LCLAT1: variants seen among roughly 807,000 people sequenced by gnomAD.
LCLAT1 encodes lysocardiolipin acyltransferase 1.
Under a neutral mutation model 30.7 loss-of-function variants are expected in LCLAT1, and 11 were observed. The observed-to-expected ratio is 0.36, with a 90% confidence interval of 0.23 to 0.59. The LOEUF (loss-of-function observed/expected upper bound fraction) is 0.59. Among genes scored for constraint, LCLAT1 ranks in the 20% least tolerant of loss-of-function variants. LCLAT1 has a pLI of 0.77. For synonymous variants in LCLAT1, 155 were observed against 151.3 expected, an observed-to-expected ratio of 1.02 and a Z score of -0.18; for missense variants, 402 against 458.6, an observed-to-expected ratio of 0.88 and a Z score of 1.13.
At chr2:30,554,318 T>A (rs1046363925) in intron 3 of LCLAT1, among the ~76,000 whole-genome samples, 24 of 152,222 alleles carry the variant, frequency 1.6e-4, no homozygotes, top group African/African-American at 5.8e-4. Flanking sequence ...AGGAAAATGT[T>A]AAACAGTATC....
chr2:30,554,513 A>G (rs1018616558), intron 3 of LCLAT1, among the ~76,000 whole-genome samples: 8 of 152,220 alleles, frequency 5.3e-5, no homozygotes, highest in African/African-American at 1.9e-4. Flanking sequence ...TGGTTTTACC[A>G]CTTACCATGT....
At chr2:30,605,355 C>T (rs530998575) in intron 5 of LCLAT1, among the ~76,000 whole-genome samples, 10 of 152,198 alleles carry the variant, frequency 6.6e-5, no homozygotes, top group African/African-American at 1.7e-4. Context: ...GTAGTCTTGA[C>T]GTCAGTAGTC....
intron 5 of LCLAT1, among the ~76,000 whole-genome samples, chr2:30,609,010 G>C (rs1351094366): frequency 2.6e-5 from 4 of 152,092 alleles, no homozygotes; most frequent in Admixed American, 2.6e-4. Context: ...CAGTCAAATA[G>C]GTATATTTTA....
chr2:30,625,719 T>A (rs1266241947), intron 5 of LCLAT1, among the ~76,000 whole-genome samples: 2 of 152,236 alleles, frequency 1.3e-5, no homozygotes, highest in African/African-American at 4.8e-5. Flanking sequence ...TTAAACAGTC[T>A]GCTATAGTTT....
chr2:30,536,522 C>G (rs1309489309), intron 3 of LCLAT1, among the ~76,000 whole-genome samples: 1 of 152,184 alleles, frequency 6.6e-6, no homozygotes, highest in Non-Finnish European at 1.5e-5. Flanking sequence ...GCCGAGGATA[C>G]TGTAACTGGC....
chr2:30,584,423 G>T (rs1443611326), intron 5 of LCLAT1, among the ~76,000 whole-genome samples: 3 of 152,126 alleles, frequency 2.0e-5, no homozygotes, highest in Admixed American at 1.3e-4. Context: ...AATAAGGAAG[G>T]CTTCTTGTTG....
At chr2:30,583,842 G>T (rs116529247) in intron 5 of LCLAT1, among the ~76,000 whole-genome samples, 5 of 151,988 alleles carry the variant, frequency 3.3e-5, no homozygotes, top group Non-Finnish European at 5.9e-5. Flanking sequence ...CTTTGGTTTG[G>T]TTTTTTTCAT....
chr2:30,568,397 G>C (rs1006400135), intron 5 of LCLAT1, among the ~76,000 whole-genome samples: 1 of 150,834 alleles, frequency 6.6e-6, no homozygotes, highest in African/African-American at 2.4e-5. Context: ...CCCCTTTTTT[G>C]GAACAGACAT....
chr2:30,547,475 A>G (rs776676364), intron 3 of LCLAT1, among the ~76,000 whole-genome samples: 2 of 152,154 alleles, frequency 1.3e-5, no homozygotes, highest in African/African-American at 2.4e-5. Flanking sequence ...AATACCAGAT[A>G]CTGGCTTTCT....
intron 5 of LCLAT1, among the ~76,000 whole-genome samples, chr2:30,631,725 C>T (rs1668779714): frequency 6.6e-6 from 1 of 152,200 alleles, no homozygotes; most frequent in South Asian, 2.1e-4. Flanking sequence ...AACATGTACT[C>T]AGCCTTGACT....
intron 5 of LCLAT1, among the ~76,000 whole-genome samples, chr2:30,603,755 G>A (rs1558549605): frequency 6.6e-6 from 1 of 152,166 alleles, no homozygotes; most frequent in Non-Finnish European, 1.5e-5. Context: ...TAAGATTATA[G>A]TCCTGATCAG....
At chr2:30,497,115 T>A (rs1684157148) in intron 1 of LCLAT1, among the ~76,000 whole-genome samples, 1 of 152,254 alleles carries the variant, frequency 6.6e-6, no homozygotes, top group Admixed American at 6.5e-5. Context: ...AACTGATACT[T>A]AGGGAAGATG....
chr2:30,555,774 A>G (rs952208064), intron 3 of LCLAT1, among the ~76,000 whole-genome samples: 1 of 152,100 alleles, frequency 6.6e-6, no homozygotes, highest in Non-Finnish European at 1.5e-5. Context: ...AAAAGAAGAA[A>G]ATGGGGTATA....
At chr2:30,552,485 A>G (rs1370557644) in intron 3 of LCLAT1, 1 of 434,040 alleles carries the variant, frequency 2.3e-6, no homozygotes, top group South Asian at 1.6e-5. Context: ...TCTATCTTGT[A>G]TTTTCAGCAC....
At chr2:30,478,371 A>G (rs1225275137) in intron 1 of LCLAT1, among the ~76,000 whole-genome samples, 1 of 152,198 alleles carries the variant, frequency 6.6e-6, no homozygotes, top group Non-Finnish European at 1.5e-5. Flanking sequence ...GCAGAGTTTT[A>G]GCATGCTACC....
Position 30,501,078 on chromosome 2 carries a change from G to GTGTGTGTGTA in LCLAT1, c.-4-24500_-4-24499insATGTGTGTGT, listed in dbSNP as rs1250281654. Among the ~76,000 whole-genome samples the GTGTGTGTGTA allele has an allele frequency of 8.3e-3, 619 of 74,590 alleles. 5 individuals carry two copies. Among genetic ancestry groups the GTGTGTGTGTA allele is most frequent in the African/African-American group, 0.042 (486 of 11,606 alleles). 48.9% of individuals were successfully genotyped at this position (74,590 alleles called of 152,430 possible). On this transcript the variant is annotated intron_variant, in intron 1 of 5. Transcript: ENST00000379509. ...TCCGTTTTTTGTTTTGTTTTGTTCT[G>GTGTGTGTGTA]TGTGTGTGTGTGTGTGTGTATGTGT...
intron 5 of LCLAT1, among the ~76,000 whole-genome samples, chr2:30,577,761 T>C (rs1003467146): frequency 6.6e-6 from 1 of 152,134 alleles, no homozygotes; most frequent in Non-Finnish European, 1.5e-5. Context: ...CTTTACTCTC[T>C]TGACAGCTAG....
Position 30,531,340 on chromosome 2 carries a change from C to T in LCLAT1, c.166-1776C>T, listed in dbSNP as rs569998832. Among the ~76,000 whole-genome samples the T allele has an allele frequency of 2.6e-5, 4 of 152,200 alleles. No homozygotes were observed. The South Asian group carries it at 8.3e-4, about 32-fold the overall frequency. ...AGGACTCTGCCATGATCCTTTTTAC[C>T]AGGAGGTCTTCCATGTAGGTATTTC... On this transcript the variant is annotated intron_variant, in intron 2 of 5. Coordinates refer to ENST00000379509, the MANE Select transcript of LCLAT1 (RefSeq NM_001002257.3).
chr2:30,533,024 A>G, intron 2 of LCLAT1, 92 bp from the exon 3 acceptor site: 2 of 914,420 alleles, frequency 2.2e-6, no homozygotes, highest in Non-Finnish European at 3.5e-6. Flanking sequence ...TTTACATGTT[A>G]GAAATCATAA....
Sources: gnomAD v4.1 joint callset for allele counts (sites outside exome capture counted in the v4.1 genomes callset) on GRCh38, gnomAD v4.1.1 for gene constraint, MANE v1.5 for transcripts, NCBI Gene and HGNC (gene_info 2026-07-23, HGNC 2026-07-21) for gene names.